Variants in EFCAB13 observed in about 807,000 individuals in gnomAD.
EFCAB13 encodes EF-hand calcium-binding domain-containing protein 13.
A neutral mutation model predicts 110.2 loss-of-function variants in EFCAB13; 91 were observed. The observed-to-expected ratio is 0.83, with a 90% CI of 0.70 to 0.98. The LOEUF is 0.98. EFCAB13 is among the 50% of genes least tolerant of loss of function. EFCAB13 has a pLI of 0.00. For synonymous variants in EFCAB13, 323 were observed against 369.9 expected, an observed-to-expected ratio of 0.87 and a Z score of 1.45; for missense variants, 968 against 1,119.4, an observed-to-expected ratio of 0.86 and a Z score of 1.93.
intron 23 of EFCAB13, among the ~76,000 whole-genome samples, chr17:47,421,490 C>T (rs999602359): frequency 3.3e-5 from 5 of 151,862 alleles, no homozygotes; most frequent in African/African-American, 9.7e-5. Flanking sequence ...ACAAACACTG[C>T]GGAAGGCCGC....
At chr17:47,404,082 G>T in intron 19 of EFCAB13, 61 bp downstream of exon 19, 1 of 1,279,990 alleles carries the variant, frequency 7.8e-7, no homozygotes, top group South Asian at 1.5e-5. Flanking sequence ...AGATGTGCAA[G>T]GTCTATAGGT....
At chr17:47,348,081 A>C (rs1369659558) in intron 9 of EFCAB13, 130 bp downstream of exon 9, 26 of 710,124 alleles carry the variant, frequency 3.7e-5, no homozygotes, top group Non-Finnish European at 4.6e-5. Context: ...GTCATATTGT[A>C]TGTTACAAAA....
rs1450437656 is a variant in EFCAB13 at position 47,346,504 on chromosome 17, A to G, written c.518-1304A>G. Among the ~76,000 whole-genome samples the G allele has an allele frequency of 3.9e-5, 5 of 127,878 alleles. No homozygotes were observed. The East Asian group carries it at 1.2e-3, about 32-fold the overall frequency. The allele number at this position is 127,878 out of a possible 152,430, so 83.9% of individuals were successfully genotyped here. Reference sequence around the variant, plus strand: ...TTAGATTGTTTTCCATAGGTTGGCTATTGTGAATAGTACTGCAGTGAACAG... The same window carrying G: ...TTAGATTGTTTTCCATAGGTTGGCTGTTGTGAATAGTACTGCAGTGAACAG... On this transcript the variant is annotated intron_variant, in intron 8 of 24. Transcript: ENST00000331493.
At chr17:47,366,327 T>TTC (rs1682844734) in intron 10 of EFCAB13, among the ~76,000 whole-genome samples, 1 of 152,004 alleles carries the variant, frequency 6.6e-6, no homozygotes, top group Non-Finnish European at 1.5e-5. Flanking sequence ...TTTTTTTTTT[T>TTC]TCTCTCATGG....
intron 11 of EFCAB13, among the ~76,000 whole-genome samples, chr17:47,371,716 C>T (rs764699560): frequency 3.9e-5 from 6 of 152,006 alleles, no homozygotes; most frequent in Non-Finnish European, 8.8e-5. Flanking sequence ...TGGGTTCAAG[C>T]GATTCTCCTG....
At chr17:47,334,989 C>A (rs1195027949) in intron 4 of EFCAB13, among the ~76,000 whole-genome samples, 1 of 152,166 alleles carries the variant, frequency 6.6e-6, no homozygotes, top group Non-Finnish European at 1.5e-5. Flanking sequence ...CTGTATAATG[C>A]ACTAAGGATA....
chr17:47,338,570 A>G (rs1418606479), intron 5 of EFCAB13, among the ~76,000 whole-genome samples: 2 of 148,688 alleles, frequency 1.3e-5, no homozygotes, highest in East Asian at 2.1e-4. Context: ...TTTTTTTTTT[A>G]AATAAATAAG....
intron 9 of EFCAB13, among the ~76,000 whole-genome samples, chr17:47,348,742 A>G (rs1225929342): frequency 3.9e-5 from 6 of 152,026 alleles, no homozygotes; most frequent in South Asian, 2.1e-4. Flanking sequence ...CCATTTGTAT[A>G]TTTTTTGCCC....
intron 14 of EFCAB13, among the ~76,000 whole-genome samples, chr17:47,386,971 A>C (rs554606282): frequency 7.4e-6 from 1 of 135,908 alleles, no homozygotes; most frequent in East Asian, 2.5e-4. Context: ...GGCTGCACCC[A>C]CTGCCCAACC....
intron 5 of EFCAB13, chr17:47,341,304 T>A (rs2065383178): frequency 6.6e-6 from 1 of 152,118 alleles, no homozygotes; most frequent in South Asian, 2.1e-4. Flanking sequence ...ACTGGAAATG[T>A]GAATGGTGCC....
At chr17:47,341,115 CTG>C (rs1451936531) in intron 5 of EFCAB13, among the ~76,000 whole-genome samples, 8 of 151,812 alleles carry the variant, frequency 5.3e-5, no homozygotes, top group East Asian at 3.9e-4. Context: ...AAAATCCTGA[CTG>C]TGGAAAATCT....
chr17:47,351,899 G>GTTTT (rs762050927), intron 9 of EFCAB13, among the ~76,000 whole-genome samples: 5 of 121,478 alleles, frequency 4.1e-5, no homozygotes, highest in Non-Finnish European at 7.0e-5. Context: ...TTTTCATGTA[G>GTTTT]TTTTTTTTTT....
intron 14 of EFCAB13, 58 bp from the exon 15 acceptor site, chr17:47,391,379 G>A: frequency 7.7e-7 from 1 of 1,303,516 alleles, no homozygotes; most frequent in Non-Finnish European, 1.0e-6. Flanking sequence ...CATCTTGTTA[G>A]TGGTGTTTTA....
rs2065604147 is a variant in EFCAB13, at chr17:47,374,681, A to G, written c.1087A>G (p.Thr363Ala). 1 of 1,612,516 alleles carries G rather than the reference A, an allele frequency of 6.2e-7. No individual in the cohort carries two copies. The highest frequency in any genetic ancestry group is 1.7e-5 in the Admixed American group (1 of 59,706). The change falls in exon 12 of 25, where the codon ACT becomes GCT. Residue 363 changes from threonine to alanine, a missense_variant. By Grantham distance (58) the Thr-to-Ala change is moderately conservative (BLOSUM62 0). Coordinates refer to ENST00000331493, the MANE Select transcript of EFCAB13 (RefSeq NM_152347.5). ...CCTTGAATCTAAAAGACCAAAAAAT[A>G]CTTGGCAAATAAGAAAATTTCTGGG... is the stretch of plus-strand genomic sequence containing the variant. ...DDLESKRPKNTWQIRKFLGGV... is the reference protein window; with the variant it reads ...DDLESKRPKNAWQIRKFLGGV...
chr17:47,328,421 C>T (rs931118748), intron 4 of EFCAB13, 38 bp downstream of exon 4: 15 of 1,500,746 alleles, frequency 1.0e-5, no homozygotes, highest in Non-Finnish European at 1.4e-5. Flanking sequence ...TTTCTTCTTT[C>T]TTCTTTTTAA....
chr17:47,332,616 T>C (rs1198167555), intron 4 of EFCAB13, among the ~76,000 whole-genome samples: 1 of 151,246 alleles, frequency 6.6e-6, no homozygotes, highest in Non-Finnish European at 1.5e-5. Context: ...TACTCCCTGT[T>C]TCTATGAGAA....
chr17:47,379,369 T>C, intron 14 of EFCAB13, 116 bp downstream of exon 14: 1 of 723,356 alleles, frequency 1.4e-6, no homozygotes, highest in East Asian at 2.7e-5. Flanking sequence ...CCTGTGACTC[T>C]TAGGCAAGTC....
At chr17:47,382,674 G>A (rs2065653475) in intron 14 of EFCAB13, among the ~76,000 whole-genome samples, 1 of 151,744 alleles carries the variant, frequency 6.6e-6, no homozygotes, top group African/African-American at 2.4e-5. Flanking sequence ...TGTGTGGCTG[G>A]ATTCAATTTG....
chr17:47,398,936 T>A (rs1008131353), intron 17 of EFCAB13, among the ~76,000 whole-genome samples: 5 of 152,216 alleles, frequency 3.3e-5, no homozygotes, highest in Admixed American at 6.5e-5. Flanking sequence ...TATTCTTTCT[T>A]TGGAGGGGAC....
Sources: gnomAD v4.1 joint callset for allele counts (sites outside exome capture counted in the v4.1 genomes callset) on GRCh38, gnomAD v4.1.1 for gene constraint, MANE v1.5 for transcripts, NCBI Gene and HGNC (gene_info 2026-07-23, HGNC 2026-07-21) for gene names.